The following BLTP1 variants were observed in gnomAD, a reference collection of about 807,000 sequenced individuals.
BLTP1 encodes the protein fragile site-associated protein.
the BLTP1 span, among the ~76,000 whole-genome samples, chr4:122,250,791 G>A: frequency 2.6e-5 from 4 of 151,984 alleles, no homozygotes; most frequent in Admixed American, 2.6e-4. Flanking sequence ...ATCCATCATA[G>A]TCCTAGCATT....
chr4:122,257,997 C>A, the BLTP1 span, among the ~76,000 whole-genome samples: 3 of 152,034 alleles, frequency 2.0e-5, no homozygotes, highest in African/African-American at 7.2e-5. Context: ...TTTAAAGGGG[C>A]CTTTGTCTTT....
the BLTP1 span, among the ~76,000 whole-genome samples, chr4:122,224,277 C>CT: frequency 6.6e-6 from 1 of 151,920 alleles, no homozygotes; most frequent in Admixed American, 6.6e-5. Flanking sequence ...AGCTATCTTG[C>CT]TTTTTATAAT....
At chr4:122,220,323 TTGAC>T in the BLTP1 span, 16 of 1,611,714 alleles carry the variant, frequency 9.9e-6, no homozygotes, top group Non-Finnish European at 1.4e-5. Context: ...GCTATTTCAT[TTGAC>T]TGTAGCATGG....
chr4:122,265,435 C>A, the BLTP1 span, among the ~76,000 whole-genome samples: 847 of 151,894 alleles, frequency 5.6e-3, 2 homozygotes, highest in Non-Finnish European at 9.6e-3. Flanking sequence ...TTGGTTGAGT[C>A]CTTGGATGCA....
the BLTP1 span, chr4:122,266,865 A>G: frequency 1.9e-6 from 3 of 1,612,442 alleles, no homozygotes; most frequent in Middle Eastern, 1.7e-4. Flanking sequence ...TACTTTGGAG[A>G]ACACCTTTCA....
chr4:122,271,084 C>G, the BLTP1 span: 1 of 1,613,704 alleles, frequency 6.2e-7, no homozygotes, highest in Admixed American at 1.7e-5. Context: ...CCTTTAGCAT[C>G]AGTGCTGTTG....
At chr4:122,153,396 T>C in the BLTP1 span, among the ~76,000 whole-genome samples, 1 of 152,216 alleles carries the variant, frequency 6.6e-6, no homozygotes, top group Non-Finnish European at 1.5e-5. Context: ...GAATACTTTG[T>C]AACTATTGAG....
At chr4:122,154,733 G>A in the BLTP1 span, among the ~76,000 whole-genome samples, 3 of 152,158 alleles carry the variant, frequency 2.0e-5, no homozygotes, top group Admixed American at 6.5e-5. Flanking sequence ...TTTAGCGGAC[G>A]TGGTGGCGGG....
At chr4:122,274,632 T>C in the BLTP1 span, 5 of 981,242 alleles carry the variant, frequency 5.1e-6, no homozygotes, top group Non-Finnish European at 6.1e-6. Context: ...TGGTGGTATA[T>C]ACCTTCATTC....
the BLTP1 span, chr4:122,226,344 A>T: frequency 6.1e-6 from 6 of 981,416 alleles, no homozygotes; most frequent in Non-Finnish European, 6.1e-6. Flanking sequence ...AGTTTGGTTT[A>T]TGATTGGAGA....
At chr4:122,241,565 A>G in the BLTP1 span, among the ~76,000 whole-genome samples, 1 of 152,190 alleles carries the variant, frequency 6.6e-6, no homozygotes, top group African/African-American at 2.4e-5. Flanking sequence ...CTTAAACTGT[A>G]TTAGTAATGA....
At chr4:122,362,197 G>A in the BLTP1 span, 6 of 1,613,178 alleles carry the variant, frequency 3.7e-6, no homozygotes, top group Non-Finnish European at 5.1e-6. Context: ...GCTCGGTACT[G>A]CACTACAGGA....
the BLTP1 span, among the ~76,000 whole-genome samples, chr4:122,230,691 T>C: frequency 6.6e-6 from 1 of 152,160 alleles, no homozygotes; most frequent in African/African-American, 2.4e-5. Context: ...TATTATTATA[T>C]ATGATTTAAA....
the BLTP1 span, chr4:122,302,324 T>G: frequency 1.2e-6 from 1 of 831,866 alleles, no homozygotes; most frequent in Non-Finnish European, 1.4e-6. Context: ...GCACTTCGCT[T>G]TATTGTGTTT....
the BLTP1 span, chr4:122,349,721 C>A: frequency 1.3e-3 from 1,967 of 1,529,418 alleles, 25 homozygotes; most frequent in African/African-American, 0.025. The surrounding 1 kb of genome is among the most constrained non-coding windows in gnomAD (Gnocchi z 4.5). Flanking sequence ...GAGAAAACAG[C>A]AATTTTTCTT....
chr4:122,197,715 G>A, the BLTP1 span, among the ~76,000 whole-genome samples: 3 of 152,098 alleles, frequency 2.0e-5, no homozygotes, highest in Admixed American at 2.0e-4. Context: ...AGTAAGCCGG[G>A]TGGGTACTTT....
chr4:122,267,229 T>C, the BLTP1 span, among the ~76,000 whole-genome samples: 2 of 151,762 alleles, frequency 1.3e-5, no homozygotes, highest in Non-Finnish European at 2.9e-5. Flanking sequence ...TGGCTAATGT[T>C]TTTGTATTTT....
the BLTP1 span, chr4:122,293,225 G>A: frequency 1.0e-6 from 1 of 965,640 alleles, no homozygotes; most frequent in Non-Finnish European, 1.2e-6. Flanking sequence ...AATAAAACTT[G>A]ATTGACACAA....
chr4:122,188,060 C>A, the BLTP1 span: 1 of 1,532,170 alleles, frequency 6.5e-7, no homozygotes, highest in Non-Finnish European at 8.7e-7. Flanking sequence ...TGTTCCTAGT[C>A]CAAGATATGT....
Sources: allele counts gnomAD v4.1 joint callset (sites outside exome capture counted in the v4.1 genomes callset), GRCh38; gene constraint gnomAD v4.1.1; non-coding constraint Gnocchi (gnomAD v3.1); transcripts MANE v1.5; gene names NCBI Gene and HGNC (gene_info 2026-07-23, HGNC 2026-07-21).